NTRK3: variants seen among roughly 807,000 people sequenced by gnomAD.
NTRK3 encodes NT-3 growth factor receptor.
Under a neutral mutation model 91.7 loss-of-function variants are expected in NTRK3, and 24 were observed. That is an observed-to-expected ratio of 0.26 (90% CI 0.19 to 0.37). NTRK3 has a LOEUF of 0.37. Among genes scored for constraint, NTRK3 ranks in the 10% least tolerant of loss-of-function variants. The pLI, the probability that NTRK3 is intolerant of heterozygous loss-of-function variation, is 1.00. For synonymous variants in NTRK3, 483 were observed against 404.0 expected (o/e 1.20, Z -2.34); for missense variants, 880 against 1,068.9 (o/e 0.82, Z 2.46).
intron 17 of NTRK3, among the ~76,000 whole-genome samples, chr15:87,889,427 G>A (rs1479723090): frequency 1.7e-5 from 2 of 114,876 alleles, no homozygotes; most frequent in African/African-American, 7.4e-5. Flanking sequence ...TTTTTGAGAC[G>A]AAGTCTCACT....
intron 14 of NTRK3, among the ~76,000 whole-genome samples, chr15:87,942,877 A>G (rs577062699): frequency 2.0e-4 from 31 of 152,258 alleles, no homozygotes; most frequent in African/African-American, 7.5e-4. Context: ...TTATTTTACA[A>G]AAAGGAGAAA....
At chr15:88,052,716 C>A (rs1391328960) in intron 13 of NTRK3, among the ~76,000 whole-genome samples, 1 of 152,036 alleles carries the variant, frequency 6.6e-6, no homozygotes, top group Non-Finnish European at 1.5e-5. Flanking sequence ...AGTGAAAAAT[C>A]TTTGGGTAAT....
intron 13 of NTRK3, among the ~76,000 whole-genome samples, chr15:88,052,305 C>T (rs1334299771): frequency 1.3e-5 from 2 of 152,236 alleles, no homozygotes; most frequent in Admixed American, 6.5e-5. Flanking sequence ...GCTGCCATTT[C>T]TTAATTTCCC....
At chr15:87,968,690 G>A (rs1474332687) in intron 14 of NTRK3, among the ~76,000 whole-genome samples, 1 of 152,178 alleles carries the variant, frequency 6.6e-6, no homozygotes, top group Non-Finnish European at 1.5e-5. Flanking sequence ...TTGACTCCAT[G>A]TGTTTGCATC....
intron 3 of NTRK3, among the ~76,000 whole-genome samples, chr15:88,225,483 A>C (rs1337738303): frequency 6.6e-6 from 1 of 152,150 alleles, no homozygotes; most frequent in Non-Finnish European, 1.5e-5. Context: ...TTCAGAGTGG[A>C]GAAGGCTCCC....
intron 13 of NTRK3, among the ~76,000 whole-genome samples, chr15:88,077,082 A>C (rs190469532): frequency 6.6e-6 from 1 of 152,330 alleles, no homozygotes; most frequent in African/African-American, 2.4e-5. Context: ...TGACAGAGCT[A>C]GACTCCATCA....
intron 4 of NTRK3, 141 bp from the exon 5 acceptor site, chr15:88,183,630 T>C: frequency 1.2e-6 from 1 of 828,980 alleles, no homozygotes; most frequent in South Asian, 1.4e-5. Flanking sequence ...TTGCCAGTTA[T>C]CACAGGTGGC....
chr15:87,887,511 A>C (rs1325198092), intron 17 of NTRK3, among the ~76,000 whole-genome samples: 2 of 152,188 alleles, frequency 1.3e-5, no homozygotes, highest in Non-Finnish European at 2.9e-5. Flanking sequence ...AAGTATATAC[A>C]CAAAGTACAG....
chr15:88,239,963 G>A (rs994886540), intron 3 of NTRK3, among the ~76,000 whole-genome samples: 1 of 152,038 alleles, frequency 6.6e-6, no homozygotes, highest in Non-Finnish European at 1.5e-5. Flanking sequence ...TGTTTTAACA[G>A]CCCTCGGTGA....
intron 14 of NTRK3, among the ~76,000 whole-genome samples, chr15:88,018,231 G>A (rs2141854836): frequency 6.6e-6 from 1 of 152,300 alleles, no homozygotes; most frequent in South Asian, 2.1e-4. Flanking sequence ...TCCTGGGGTG[G>A]ACACACGGAG....
At chr15:88,053,989 G>C (rs1388248533) in intron 13 of NTRK3, among the ~76,000 whole-genome samples, 1 of 152,212 alleles carries the variant, frequency 6.6e-6, no homozygotes, top group African/African-American at 2.4e-5. Context: ...TCTGTGCCAA[G>C]GTAGATAGAA....
At chr15:88,028,525 C>T (rs538017205) in intron 14 of NTRK3, among the ~76,000 whole-genome samples, 5 of 151,810 alleles carry the variant, frequency 3.3e-5, no homozygotes, top group South Asian at 2.1e-4. Flanking sequence ...AGAGGTGTGG[C>T]GATGGGCAGA....
Position 88,255,834 on chromosome 15 carries a change from C to A in NTRK3, c.248+72G>T. 1 of 1,388,470 alleles carries A rather than the reference C, an allele frequency of 7.2e-7. No individual in the cohort carries two copies. The highest frequency in any genetic ancestry group is 9.5e-7 in the Non-Finnish European group (1 of 1,051,726). 86.0% of individuals were successfully genotyped at this position (1,388,470 alleles called of 1,614,324 possible). On this transcript the variant is annotated intron_variant, in intron 3 of 18. Coordinates refer to ENST00000394480, the Ensembl canonical transcript of NTRK3. This position sits in a 1 kb window ranked among gnomAD's most constrained non-coding sequence, Gnocchi z 4.3. ...GCTGGGGCGGGCGGAGGGCCGGCTC[C>A]CGGCCGCGGGTGGGCAGGAGGGAGA...
chr15:87,900,868 C>G (rs2066413615), intron 17 of NTRK3, among the ~76,000 whole-genome samples: 1 of 152,084 alleles, frequency 6.6e-6, no homozygotes, highest in African/African-American at 2.4e-5. Context: ...GGAAAGACTT[C>G]GACTAGTTGA....
chr15:88,104,813 G>A (rs1467434391), intron 13 of NTRK3, among the ~76,000 whole-genome samples: 5 of 152,226 alleles, frequency 3.3e-5, no homozygotes, highest in Non-Finnish European at 7.3e-5. Flanking sequence ...GGAGAACAGA[G>A]GGGACAAGTT....
intron 13 of NTRK3, among the ~76,000 whole-genome samples, chr15:88,065,490 C>A (rs2046572640): frequency 6.6e-6 from 1 of 152,110 alleles, no homozygotes; most frequent in African/African-American, 2.4e-5. Flanking sequence ...GGACACCCTC[C>A]CTCCTGCCTG....
intron 5 of NTRK3, among the ~76,000 whole-genome samples, chr15:88,161,975 G>C (rs1407710468): frequency 6.6e-6 from 1 of 152,152 alleles, no homozygotes; most frequent in Non-Finnish European, 1.5e-5. Context: ...AGAGCAAAAT[G>C]GAAGAGCAAA....
chr15:88,176,114 A>G (rs16941395), intron 5 of NTRK3, among the ~76,000 whole-genome samples: 1,684 of 150,358 alleles, frequency 0.011, 18 homozygotes, highest in African/African-American at 0.039. Flanking sequence ...ATATGCATGT[A>G]ATATTTGCCT....
At chr15:87,929,539 A>G in intron 16 of NTRK3, 105 bp from the exon 17 acceptor site, 1 of 1,408,434 alleles carries the variant, frequency 7.1e-7, no homozygotes. Flanking sequence ...AGAAATAAAT[A>G]AAATTTCCCT....
Sources: allele counts gnomAD v4.1 joint callset (sites outside exome capture counted in the v4.1 genomes callset), GRCh38; gene constraint gnomAD v4.1.1; non-coding constraint Gnocchi (gnomAD v3.1); transcripts MANE v1.5; gene names NCBI Gene and HGNC (gene_info 2026-07-23, HGNC 2026-07-21).